PCDHGA3: variants seen among roughly 807,000 people sequenced by gnomAD.
PCDHGA3 encodes the protein protocadherin gamma-A3.
A neutral mutation model predicts 58.5 loss-of-function variants in PCDHGA3; 40 were observed. That is an observed-to-expected ratio of 0.68 (90% confidence interval 0.53 to 0.89). The LOEUF (loss-of-function observed/expected upper bound fraction) is 0.89. Among genes scored for constraint, PCDHGA3 ranks in the 40% least tolerant of loss-of-function variants. PCDHGA3 has a pLI of 0.00. For synonymous variants in PCDHGA3, 530 were observed against 525.7 expected (o/e 1.01, Z -0.11); for missense variants, 1,223 against 1,195.9 (o/e 1.02, Z -0.33).
chr5:141,418,323 A>G, intron 1 of PCDHGA3: 2 of 1,614,004 alleles, frequency 1.2e-6, no homozygotes, highest in Non-Finnish European at 1.7e-6. Flanking sequence ...ACAATTCTTG[A>G]GTCTGCAGAA....
In PCDHGA3 at chr5:141,364,970, G is replaced by T. The variant is rs766427343; in HGVS notation, c.2424+18513G>T. 13 of 1,613,796 alleles carry T rather than the reference G, an allele frequency of 8.1e-6. No homozygotes were observed. The East Asian group carries it at 2.9e-4, about 36-fold the overall frequency. On this transcript the variant is annotated intron_variant, in intron 1 of 3. Coordinates refer to ENST00000253812, the MANE Select transcript of PCDHGA3 (RefSeq NM_018916.4). The stretch of plus-strand genomic sequence containing the variant: ...GACTGTTCACGACCTCCTCCTCACA[G>T]CTTTAGATGGCGGAGACCCGGTACT...
At chr5:141,402,870 C>G in intron 1 of PCDHGA3, 1 of 1,449,300 alleles carries the variant, frequency 6.9e-7, no homozygotes, top group Non-Finnish European at 9.1e-7. Flanking sequence ...AAAAGATCAC[C>G]ATACTTTGCA....
intron 1 of PCDHGA3, chr5:141,364,493 G>A (rs1480199754): frequency 4.3e-6 from 7 of 1,614,018 alleles, no homozygotes; most frequent in Non-Finnish European, 5.9e-6. Flanking sequence ...CCTTGGGCTG[G>A]AGCCCCAGGA....
chr5:141,400,453 C>T (rs1329103788), intron 1 of PCDHGA3: 1 of 1,614,056 alleles, frequency 6.2e-7, no homozygotes, highest in Admixed American at 1.7e-5. Context: ...ACAAGACATA[C>T]TTTGTGGTGA....
chr5:141,359,225 G>A (rs932718388), intron 1 of PCDHGA3, among the ~76,000 whole-genome samples: 4 of 152,074 alleles, frequency 2.6e-5, no homozygotes, highest in Admixed American at 2.6e-4. Context: ...TACATCTGAG[G>A]AGAGATTGTT....
At chr5:141,360,940 C>T in intron 1 of PCDHGA3, 5 of 1,613,890 alleles carry the variant, frequency 3.1e-6, no homozygotes, top group Non-Finnish European at 4.2e-6. Flanking sequence ...AGCCACCGAC[C>T]GGGATGAAGG....
At chr5:141,405,062 T>C in intron 1 of PCDHGA3, 1 of 1,613,918 alleles carries the variant, frequency 6.2e-7, no homozygotes, top group Non-Finnish European at 8.5e-7. Flanking sequence ...CTCCTGTGTC[T>C]TCCTCACCTT....
intron 1 of PCDHGA3, chr5:141,367,540 A>G (rs965275207): frequency 2.6e-4 from 27 of 102,848 alleles, no homozygotes; most frequent in African/African-American, 1.6e-3. Context: ...CCGTCTCAAA[A>G]TAAATAAATA....
chr5:141,448,639 T>A (rs1248697237), intron 1 of PCDHGA3, among the ~76,000 whole-genome samples: 1 of 152,148 alleles, frequency 6.6e-6, no homozygotes, highest in Admixed American at 6.6e-5. Flanking sequence ...CATTATATCC[T>A]TTAAAAATAT....
chr5:141,440,444 C>G (rs2098178389), intron 1 of PCDHGA3: 1 of 152,038 alleles, frequency 6.6e-6, no homozygotes, highest in Admixed American at 6.6e-5. Context: ...AAGGCGCCAT[C>G]TCAAAAAAAA....
chr5:141,354,765 A>G (rs1166767748), intron 1 of PCDHGA3, among the ~76,000 whole-genome samples: 1 of 152,230 alleles, frequency 6.6e-6, no homozygotes, highest in East Asian at 1.9e-4. Context: ...ACATCTTAGG[A>G]AAAAAATCGT....
At position 141,356,874 on chromosome 5, in the gene PCDHGA3, T is replaced by TGTCCCTGAGATCCTGTACCCCACC. The variant is rs1482274371; in HGVS notation, c.2424+10418_2424+10441dup. Reference sequence around the variant, plus strand: ...TCTTTGTGCTGGACCAGAACGACAATGTCCCTGAGATCCTGTACCCCACCT... The same window carrying TGTCCCTGAGATCCTGTACCCCACC: ...TCTTTGTGCTGGACCAGAACGACAATGTCCCTGAGATCCTGTACCCCACCGTCCCTGAGATCCTGTACCCCACCT... On this transcript the variant is annotated intron_variant, in intron 1 of 3. Coordinates refer to ENST00000253812, the MANE Select transcript of PCDHGA3 (RefSeq NM_018916.4). The TGTCCCTGAGATCCTGTACCCCACC allele has an allele frequency of 1.9e-6, 3 of 1,614,078 alleles. No individual in the cohort carries two copies. The African/African-American group carries it at 4.0e-5, about 22-fold the overall frequency.
intron 1 of PCDHGA3, among the ~76,000 whole-genome samples, chr5:141,452,145 C>T (rs1414317332): frequency 6.6e-6 from 1 of 152,020 alleles, no homozygotes; most frequent in Non-Finnish European, 1.5e-5. Flanking sequence ...GTGTTTTTTC[C>T]AATGAGTTAT....
chr5:141,453,732 C>T (rs182118864), intron 1 of PCDHGA3, among the ~76,000 whole-genome samples: 9 of 152,332 alleles, frequency 5.9e-5, no homozygotes. Context: ...TTTGTTACTA[C>T]AGCTTAAATA....
intron 1 of PCDHGA3, chr5:141,412,667 AC>A (rs1385712050): frequency 6.6e-6 from 1 of 152,284 alleles, no homozygotes; most frequent in Non-Finnish European, 1.5e-5. Flanking sequence ...CACTAATATG[AC>A]CTAAAATAAG....
intron 1 of PCDHGA3, chr5:141,377,472 TG>T (rs1191503778): frequency 6.6e-6 from 1 of 152,084 alleles, no homozygotes; most frequent in Non-Finnish European, 1.5e-5. Flanking sequence ...GGCGTACACC[TG>T]TAGTCCCAGC....
chr5:141,478,549 A>G lies in PCDHGA3; in HGVS notation c.2425-16258A>G, dbSNP rs369095515. 8 of 1,602,904 alleles carry G rather than the reference A, an allele frequency of 5.0e-6. No individual in the cohort carries two copies. In the African/African-American group the frequency reaches 1.1e-4, roughly 21 times the overall value. On this transcript the variant is annotated intron_variant, in intron 1 of 3. Coordinates refer to ENST00000253812, the MANE Select transcript of PCDHGA3 (RefSeq NM_018916.4). ...CAGAGAGCGCCCCTCCCGGACAGGT[A>G]AGGTTTAGCAAGTCATGCTTGACCC...
chr5:141,479,625 T>C (rs2099501262), intron 1 of PCDHGA3: 1 of 152,228 alleles, frequency 6.6e-6, no homozygotes, highest in Non-Finnish European at 1.5e-5. Flanking sequence ...ACCATGTCTC[T>C]TTAACAATAA....
At chr5:141,449,500 A>G (rs1034917703) in intron 1 of PCDHGA3, among the ~76,000 whole-genome samples, 6 of 151,300 alleles carry the variant, frequency 4.0e-5, no homozygotes, top group African/African-American at 1.5e-4. Flanking sequence ...GAGGCATGAG[A>G]AATGCTTGAA....
Sources: gnomAD v4.1 joint callset for allele counts (sites outside exome capture counted in the v4.1 genomes callset) on GRCh38, gnomAD v4.1.1 for gene constraint, MANE v1.5 for transcripts, NCBI Gene and HGNC (gene_info 2026-07-23, HGNC 2026-07-21) for gene names.